Variants in MAP6 observed in about 807,000 individuals in gnomAD.
MAP6 encodes the protein microtubule associated protein 6, also known as microtubule-associated protein 6.
Under a neutral mutation model 42.4 loss-of-function variants are expected in MAP6, and 26 were observed. The ratio of observed to expected loss-of-function variants is 0.61; its 90% CI spans 0.45 to 0.85. The LOEUF is 0.85. Among genes scored for constraint, MAP6 ranks in the 40% least tolerant of loss-of-function variants. The pLI, the probability that MAP6 is intolerant of heterozygous loss-of-function variation, is 0.00. For missense variants in MAP6, 966 were observed against 1,099.0 expected (o/e 0.88, Z 1.71); for synonymous variants, 418 against 443.8 (o/e 0.94, Z 0.73).
intron 1 of MAP6, among the ~76,000 whole-genome samples, chr11:75,633,430 C>T (rs1245013194): frequency 6.6e-6 from 1 of 152,188 alleles, no homozygotes; most frequent in Non-Finnish European, 1.5e-5. Flanking sequence ...ATTTGTTTAA[C>T]ATATATTAAC....
intron 2 of MAP6, 40 bp from the exon 3 acceptor site, chr11:75,606,044 A>T: frequency 3.7e-6 from 6 of 1,604,614 alleles, no homozygotes; most frequent in South Asian, 1.1e-5. Flanking sequence ...AAACACAAAA[A>T]GGTGGGGCGT....
chr11:75,606,325 T>C (rs1942774500), intron 2 of MAP6, among the ~76,000 whole-genome samples: 1 of 152,140 alleles, frequency 6.6e-6, no homozygotes. Flanking sequence ...AGTTAACACC[T>C]CATCACGTTG....
chr11:75,660,966 T>C (rs77551915), intron 1 of MAP6, among the ~76,000 whole-genome samples: 3,491 of 149,456 alleles, frequency 0.023, 109 homozygotes, highest in African/African-American at 0.076. Flanking sequence ...ACAAGACTAA[T>C]CCTGAAAAAA....
rs185284697 is a variant in MAP6 at position 75,642,576 on chromosome 11, T to C, written c.905+24889A>G. ...CAGCCAACATACACACCAGGCTCTCTGGTCTTGGCACAGAAGCAAGACAAT... is the reference window on the plus strand; with the variant it reads ...CAGCCAACATACACACCAGGCTCTCCGGTCTTGGCACAGAAGCAAGACAAT... On this transcript the variant is annotated intron_variant, in intron 1 of 3. Transcript: ENST00000304771. 5.3e-5 allele frequency: 9 copies of C among 168,950 alleles called. No individual in the cohort carries two copies. The Admixed American group carries it at 5.4e-4, about 10-fold the overall frequency. 10.5% of individuals were successfully genotyped at this position (168,950 alleles called of 1,614,324 possible).
intron 1 of MAP6, among the ~76,000 whole-genome samples, chr11:75,619,983 A>AT (rs1943078996): frequency 6.6e-6 from 1 of 152,078 alleles, no homozygotes; most frequent in African/African-American, 2.4e-5. Context: ...AGCATCTGTT[A>AT]TTTTTTGACC....
chr11:75,628,430 G>A (rs533412611), intron 1 of MAP6, among the ~76,000 whole-genome samples: 10 of 152,296 alleles, frequency 6.6e-5, no homozygotes, highest in Middle Eastern at 3.4e-3. Context: ...GGGGACATCA[G>A]TCACCATGGC....
In MAP6 at chr11:75,587,016, C is replaced by T. The variant is rs1365987449; in HGVS notation, c.*43G>A. The stretch of plus-strand genomic sequence containing the variant: ...CTTCACTGCCCCTGGGAGGGGAGCA[C>T]TCTCACTGTCAGCTCCTTCATTGGT... On this transcript the variant is annotated 3_prime_UTR_variant, in exon 4 of 4. Coordinates refer to ENST00000304771, the MANE Select transcript of MAP6 (RefSeq NM_033063.2). 7 of 1,518,694 alleles carry T rather than the reference C, an allele frequency of 4.6e-6. No homozygotes were observed. The highest frequency in any genetic ancestry group is 1.8e-4 in the Middle Eastern group (1 of 5,624). The allele number at this position is 1,518,694 out of a possible 1,614,324, so 94.1% of individuals were successfully genotyped here. A position where few individuals can be genotyped will look rare whatever the true frequency, so the allele number is the denominator to read the frequency against.
At chr11:75,636,040 T>C (rs1288585331) in intron 1 of MAP6, 1 of 152,240 alleles carries the variant, frequency 6.6e-6, no homozygotes, top group Non-Finnish European at 1.5e-5. Context: ...GAGGGGTTTG[T>C]CAGAATGCAG....
chr11:75,588,479 C>T (rs141443090), intron 3 of MAP6, among the ~76,000 whole-genome samples: 5 of 152,180 alleles, frequency 3.3e-5, no homozygotes, highest in East Asian at 1.9e-4. Flanking sequence ...TAGCTGGACT[C>T]GGAGTCATCC....
Position 75,667,928 on chromosome 11 carries a change from C to T in MAP6, c.442G>A (p.Ala148Thr), listed in dbSNP as rs1391497208. The T allele has an allele frequency of 5.0e-6, 7 of 1,388,954 alleles. No homozygotes were observed. The highest frequency in any genetic ancestry group is 2.7e-5 in the Admixed American group (1 of 37,406). 86.0% of individuals were successfully genotyped at this position (1,388,954 alleles called of 1,614,324 possible). The part of the protein sequence containing the change: ...RPRSEYQPSD[A>T]PFERETQYQK... Reference sequence around the variant, plus strand: ...TACTGGGTCTCGCGCTCGAAGGGAGCGTCGGAGGGCTGGTATTCGCTGCGC... The same window carrying T: ...TACTGGGTCTCGCGCTCGAAGGGAGTGTCGGAGGGCTGGTATTCGCTGCGC... Residue 148 changes from alanine (A) to threonine (T), a missense_variant, in exon 1 of 4, where the codon GCT (alanine) becomes ACT (threonine). Transcript: ENST00000304771. The surrounding 1 kb of genome is among the most constrained non-coding windows in gnomAD (Gnocchi z 5.6).
chr11:75,612,156 C>T (rs556281222), intron 1 of MAP6, among the ~76,000 whole-genome samples: 126 of 152,372 alleles, frequency 8.3e-4, no homozygotes, highest in Non-Finnish European at 1.4e-3. Flanking sequence ...CCTGTCATGC[C>T]CAGTGCCTCT....
intron 3 of MAP6, chr11:75,605,035 C>T (rs1043491156): frequency 7.1e-6 from 7 of 985,340 alleles, no homozygotes; most frequent in African/African-American, 5.2e-5. Context: ...GGTGGTCGGC[C>T]GAGGAGAATC....
At chr11:75,635,396 A>G (rs1218556652) in intron 1 of MAP6, among the ~76,000 whole-genome samples, 1 of 152,238 alleles carries the variant, frequency 6.6e-6, no homozygotes, top group Non-Finnish European at 1.5e-5. Context: ...TGGTGCTTAC[A>G]AAGTGTTCGT....
At chr11:75,593,048 A>G (rs60597680) in intron 3 of MAP6, among the ~76,000 whole-genome samples, 2,040 of 152,312 alleles carry the variant, frequency 0.013, 59 homozygotes, top group African/African-American at 0.047. Flanking sequence ...CTGACCCCAC[A>G]GTCATGGCCA....
intron 1 of MAP6, among the ~76,000 whole-genome samples, chr11:75,629,934 C>G (rs1176046486): frequency 6.6e-6 from 1 of 152,204 alleles, no homozygotes; most frequent in Admixed American, 6.5e-5. Flanking sequence ...ACACTGAATT[C>G]TCATGTCTTC....
At chr11:75,631,564 G>A (rs1943284468) in intron 1 of MAP6, among the ~76,000 whole-genome samples, 1 of 152,202 alleles carries the variant, frequency 6.6e-6, no homozygotes, top group African/African-American at 2.4e-5. Context: ...TGGCTGTCAA[G>A]TGGCTGTCTC....
Position 75,667,433 on chromosome 11 carries a change from A to G in MAP6, c.905+32T>C, listed in dbSNP as rs1198552410. ...GCCCGCGGGGAGGGTCTGCGTGGTG[A>G]CTCCCCCGCGCTAGCAGCGGCCGCG... On this transcript the variant is annotated intron_variant, in intron 1 of 3. Coordinates refer to ENST00000304771, the MANE Select transcript of MAP6 (RefSeq NM_033063.2). This position sits in a 1 kb window ranked among gnomAD's most constrained non-coding sequence, Gnocchi z 5.6. 2.1e-6 allele frequency: 3 copies of G among 1,435,534 alleles called. No individual in the cohort carries two copies. The highest frequency in any genetic ancestry group is 2.8e-5 in the South Asian group (2 of 71,230). The allele number at this position is 1,435,534 out of a possible 1,614,324, so 88.9% of individuals were successfully genotyped here.
intron 3 of MAP6, 42 bp from the exon 4 acceptor site, chr11:75,588,226 A>G: frequency 1.3e-6 from 2 of 1,562,520 alleles, no homozygotes; most frequent in East Asian, 2.2e-5. Context: ...AGTAGAGCTC[A>G]GGCAGGGACA....
rs187193697 is a variant in MAP6, at chr11:75,588,083, C to T, written c.1418G>A (p.Gly473Asp). The T allele has an allele frequency of 8.1e-6, 13 of 1,613,776 alleles. No homozygotes were observed. The African/African-American group carries it at 1.3e-4, about 17-fold the overall frequency. The change falls in exon 4 of 4, where the codon GGT (glycine) becomes GAT (aspartate). Residue 473 changes from glycine (G) to aspartate (D), a missense_variant. Gly to Asp is a moderately conservative substitution (Grantham distance 94, BLOSUM62 -1). This residue lies in a region of MAP6 where 943 missense variants were observed against 1,049.9 expected (regional missense o/e 0.90). Transcript: ENST00000304771. ...AGGCTCTTGCACCATAGGACCTTGA[C>T]CTTTCAGAAGGCCTGGGACCACAGA... ...QGSVVPGLLK[G>D]QGPMVQEPLK...
Sources: gnomAD v4.1 joint callset for allele counts (sites outside exome capture counted in the v4.1 genomes callset) on GRCh38, gnomAD v4.1.1 for gene constraint, gnomAD v4.1.1 regional missense constraint, Gnocchi (gnomAD v3.1) non-coding constraint, MANE v1.5 for transcripts, NCBI Gene and HGNC (gene_info 2026-07-23, HGNC 2026-07-21) for gene names.